ZFP1: variants seen among roughly 807,000 people sequenced by gnomAD.
ZFP1 encodes ZFP1 zinc finger protein.
Under a neutral mutation model 38.5 loss-of-function variants are expected in ZFP1, and 32 were observed. That is an observed-to-expected ratio of 0.83 (90% CI 0.63 to 1.12). The LOEUF (loss-of-function observed/expected upper bound fraction) is 1.12. ZFP1 is among the 50% of genes most tolerant of loss of function. ZFP1 has a pLI of 0.00. For missense variants in ZFP1, 616 were observed against 480.8 expected, an observed-to-expected ratio of 1.28 and a Z score of -2.63; for synonymous variants, 245 against 168.8, an observed-to-expected ratio of 1.45 and a Z score of -3.50.
chr16:75,158,104 TATG>T (rs2037561750), intron 2 of ZFP1, among the ~76,000 whole-genome samples: 1 of 151,976 alleles, frequency 6.6e-6, no homozygotes, highest in Non-Finnish European at 1.5e-5. Context: ...TCCTTTTTTT[TATG>T]ATTAGTGTTA....
the ZFP1 span, among the ~76,000 whole-genome samples, chr16:75,136,548 A>G: frequency 1.3e-5 from 2 of 152,206 alleles, no homozygotes; most frequent in African/African-American, 4.8e-5. Flanking sequence ...AACTTAATAC[A>G]GATACAGTTA....
the ZFP1 span, among the ~76,000 whole-genome samples, chr16:75,134,164 G>A: frequency 2.0e-5 from 3 of 152,226 alleles, no homozygotes; most frequent in African/African-American, 7.2e-5. Context: ...TCTGGAATTA[G>A]ATAGCGGTGA....
At chr16:75,136,948 A>T in the ZFP1 span, among the ~76,000 whole-genome samples, 2 of 152,162 alleles carry the variant, frequency 1.3e-5, no homozygotes, top group African/African-American at 2.4e-5. Flanking sequence ...ACATACATAT[A>T]TTTCTTTGCT....
At position 75,157,478 on chromosome 16, in the gene ZFP1, A is replaced by G. The variant is rs536727137; in HGVS notation, c.15+4512A>G. Among the ~76,000 whole-genome samples, 18 of 152,118 alleles carry G rather than the reference A, an allele frequency of 1.2e-4. No homozygotes were observed. In the East Asian group the frequency reaches 3.5e-3, roughly 30 times the overall value. On this transcript the variant is annotated intron_variant, in intron 2 of 3. Coordinates refer to ENST00000570010, the MANE Select transcript of ZFP1 (RefSeq NM_153688.4). ...AGGCTGGTCTTGAACTCCTGGCCTC[A>G]AGTGATACGCCCTCCTCAGCCTCCC...
At chr16:75,162,413 C>T (rs116436717) in intron 2 of ZFP1, among the ~76,000 whole-genome samples, 20 of 152,284 alleles carry the variant, frequency 1.3e-4, no homozygotes, top group African/African-American at 4.1e-4. Flanking sequence ...TGAGCCACTG[C>T]GTCCAGCCCA....
At chr16:75,119,042 C>G in the ZFP1 span, among the ~76,000 whole-genome samples, 11 of 152,316 alleles carry the variant, frequency 7.2e-5, no homozygotes, top group African/African-American at 2.6e-4. Context: ...TGTTGAGTGA[C>G]GTCTCAAGTC....
chr16:75,135,152 A>G, the ZFP1 span, among the ~76,000 whole-genome samples: 1 of 147,084 alleles, frequency 6.8e-6, no homozygotes, highest in Non-Finnish European at 1.5e-5. Context: ...ACAGCGTGCA[A>G]TGAGCCATGA....
At chr16:75,151,570 T>C (rs762510348) in intron 1 of ZFP1, among the ~76,000 whole-genome samples, 1 of 152,252 alleles carries the variant, frequency 6.6e-6, no homozygotes, top group Non-Finnish European at 1.5e-5. Context: ...GATATCATAC[T>C]GTTTTATGTC....
the ZFP1 span, among the ~76,000 whole-genome samples, chr16:75,142,201 C>CAAA: frequency 9.1e-6 from 1 of 109,994 alleles, no homozygotes; most frequent in Non-Finnish European, 2.0e-5. Flanking sequence ...ACTAAAAATA[C>CAAA]AAAAAAAAAA....
chr16:75,133,940 T>C, the ZFP1 span, among the ~76,000 whole-genome samples: 34 of 152,002 alleles, frequency 2.2e-4, no homozygotes, highest in Non-Finnish European at 2.9e-5. Flanking sequence ...CCCCAGCTAC[T>C]TGGGAGGCTG....
the ZFP1 span, among the ~76,000 whole-genome samples, chr16:75,124,863 G>GTT: frequency 0.12 from 15,223 of 127,404 alleles, 1,425 homozygotes; most frequent in East Asian, 0.52. Flanking sequence ...AAATAAAGAG[G>GTT]TTTTTTTTTT....
intron 2 of ZFP1, among the ~76,000 whole-genome samples, chr16:75,161,294 C>T (rs1005815598): frequency 6.6e-6 from 1 of 151,952 alleles, no homozygotes; most frequent in African/African-American, 2.4e-5. Flanking sequence ...GTCTCGAACT[C>T]CTGGCTACAA....
At chr16:75,135,209 C>CAAAAAA in the ZFP1 span, among the ~76,000 whole-genome samples, 213 of 14,944 alleles carry the variant, frequency 0.014, 50 homozygotes, top group South Asian at 0.07. Context: ...GACCTTATCT[C>CAAAAAA]AAAAAAAAAA....
At chr16:75,146,939 CAAAAAAAA>C (rs34337593), upstream of ZFP1, among the ~76,000 whole-genome samples, 9 of 67,674 alleles carry the variant, frequency 1.3e-4, no homozygotes, top group African/African-American at 5.3e-4. Context: ...GACCCTGTGT[CAAAAAAAA>C]AAAAAAAAAA....
At chr16:75,161,779 T>TTTTTTA (rs1567533138) in intron 2 of ZFP1, among the ~76,000 whole-genome samples, 13 of 55,998 alleles carry the variant, frequency 2.3e-4, no homozygotes, top group African/African-American at 7.2e-4. Context: ...TATATATTTT[T>TTTTTTA]TTTTTTTTTT....
the ZFP1 span, among the ~76,000 whole-genome samples, chr16:75,123,615 C>T: frequency 1.3e-5 from 2 of 149,540 alleles, no homozygotes; most frequent in African/African-American, 2.4e-5. Flanking sequence ...GTAGCTGGGA[C>T]TACAGATGCA....
chr16:75,150,316 C>T (rs2145492832), intron 1 of ZFP1, among the ~76,000 whole-genome samples: 1 of 150,318 alleles, frequency 6.7e-6, no homozygotes, highest in East Asian at 2.0e-4. Context: ...TCACACCATT[C>T]TCCTGCCTCA....
chr16:75,169,677 T>G lies in ZFP1; in HGVS notation c.567T>G (p.Cys189Trp). ...TTCAACCTTTCATTTGTACTTACTG[T>G]GACAAGGCTTTCTCCTTTAAGTCAC... Reference protein sequence around the residue: ...NLVQPFICTYCDKAFSFKSLL... With the variant: ...NLVQPFICTYWDKAFSFKSLL... The change falls in exon 4 of 4, where the codon TGT (cysteine) becomes TGG (tryptophan). Residue 189 changes from cysteine (C) to tryptophan (W), a missense_variant. By Grantham distance (215) the Cys-to-Trp change is radical. Coordinates refer to ENST00000570010, the MANE Select transcript of ZFP1 (RefSeq NM_153688.4). The G allele has an allele frequency of 6.2e-7, 1 of 1,609,882 alleles. No homozygotes were observed. The highest frequency in any genetic ancestry group is 1.1e-5 in the South Asian group (1 of 90,502).
At chr16:75,164,448 A>AAAAC (rs2037951266) in intron 2 of ZFP1, among the ~76,000 whole-genome samples, 1 of 152,226 alleles carries the variant, frequency 6.6e-6, no homozygotes, top group Non-Finnish European at 1.5e-5. Context: ...AAATTAGTTT[A>AAAAC]AAACAACTTC....
Sources: gnomAD v4.1 joint callset for allele counts (sites outside exome capture counted in the v4.1 genomes callset) on GRCh38, gnomAD v4.1.1 for gene constraint, MANE v1.5 for transcripts, NCBI Gene and HGNC (gene_info 2026-07-23, HGNC 2026-07-21) for gene names.